Variants in SCRN3 observed in about 807,000 individuals in gnomAD.
The protein encoded by SCRN3 is secernin 3, also known as secernin-3.
SCRN3 carries 39 observed loss-of-function variants against 43.1 expected under a neutral mutation model. The ratio of observed to expected loss-of-function variants is 0.91; its 90% CI spans 0.70 to 1.18. The LOEUF is 1.18. Among genes scored for constraint, SCRN3 ranks in the 50% most tolerant of loss-of-function variants. SCRN3 has a pLI of 0.00. For synonymous variants in SCRN3, 147 were observed against 163.1 expected (o/e 0.90, Z 0.75); for missense variants, 484 against 498.0 (o/e 0.97, Z 0.27).
At chr2:174,398,890 C>T (rs1685414547) in intron 2 of SCRN3, among the ~76,000 whole-genome samples, 1 of 152,030 alleles carries the variant, frequency 6.6e-6, no homozygotes, top group African/African-American at 2.4e-5. Context: ...ATTTGATGGA[C>T]AAAAAGGATT....
chr2:174,397,900 T>C (rs566536833), intron 1 of SCRN3, among the ~76,000 whole-genome samples: 1 of 152,294 alleles, frequency 6.6e-6, no homozygotes, highest in East Asian at 1.9e-4. Context: ...TCTTACTGAG[T>C]TGTAGTACCA....
intron 2 of SCRN3, among the ~76,000 whole-genome samples, chr2:174,398,827 T>C (rs1685412742): frequency 6.6e-6 from 1 of 152,186 alleles, no homozygotes; most frequent in Non-Finnish European, 1.5e-5. Flanking sequence ...AACAGTAGCA[T>C]GCTGTGGCAG....
chr2:174,423,449 A>G (rs1686363950), intron 6 of SCRN3, among the ~76,000 whole-genome samples: 1 of 152,184 alleles, frequency 6.6e-6, no homozygotes, highest in Admixed American at 6.5e-5. Flanking sequence ...TAAAATATCA[A>G]TAGTTCCAGT....
At chr2:174,420,053 T>C (rs969968822) in intron 5 of SCRN3, among the ~76,000 whole-genome samples, 2 of 152,150 alleles carry the variant, frequency 1.3e-5, no homozygotes, top group African/African-American at 4.8e-5. Context: ...ACCTTGACTT[T>C]CTGTGTCACA....
chr2:174,422,684 A>G (rs1686333585), intron 5 of SCRN3, among the ~76,000 whole-genome samples: 1 of 151,934 alleles, frequency 6.6e-6, no homozygotes, highest in African/African-American at 2.4e-5. Context: ...GACTTTGCAT[A>G]GTTTATATTT....
chr2:174,396,228 T>G (rs1265482927), intron 1 of SCRN3: 2 of 921,340 alleles, frequency 2.2e-6, no homozygotes. Flanking sequence ...TACCCAGCTG[T>G]ACGGTACTGG....
At chr2:174,417,514 C>T (rs1420523004) in intron 5 of SCRN3, among the ~76,000 whole-genome samples, 1 of 152,138 alleles carries the variant, frequency 6.6e-6, no homozygotes, top group Non-Finnish European at 1.5e-5. Context: ...CTGCCTCAGC[C>T]TCCCAAGTAG....
chr2:174,422,863 A>G, intron 5 of SCRN3, 22 bp from the exon 6 acceptor site: 1 of 1,542,016 alleles, frequency 6.5e-7, no homozygotes, highest in Non-Finnish European at 9.0e-7. Flanking sequence ...GTATTTGATG[A>G]TTTTAAAAAT....
intron 7 of SCRN3, among the ~76,000 whole-genome samples, chr2:174,427,350 G>A (rs1002271906): frequency 2.6e-5 from 4 of 152,152 alleles, no homozygotes; most frequent in African/African-American, 7.2e-5. Context: ...GGTTTTAAAT[G>A]TAAAAGATCA....
chr2:174,429,167 G>A lies in SCRN3; in HGVS notation c.*1272G>A, dbSNP rs967362051. The A allele has an allele frequency of 6.6e-6, 1 of 152,166 alleles. No homozygotes were observed. The highest frequency in any genetic ancestry group is 2.4e-5 in the African/African-American group (1 of 41,444). The allele number at this position is 152,166 out of a possible 1,614,324, so 9.4% of individuals were successfully genotyped here. ...CTTAAGTTTGGTTCAGTGATAGGCT[G>A]TCTTCTAACCCCTATACTCCTCTTC... On this transcript the variant is annotated 3_prime_UTR_variant, in exon 8 of 8. Coordinates refer to ENST00000272732, the MANE Select transcript of SCRN3 (RefSeq NM_024583.5).
intron 5 of SCRN3, among the ~76,000 whole-genome samples, chr2:174,419,090 A>G (rs1254533479): frequency 6.6e-6 from 1 of 152,200 alleles, no homozygotes; most frequent in Non-Finnish European, 1.5e-5. Flanking sequence ...AATATTGTGA[A>G]TTACAATTTG....
chr2:174,399,899 C>CCT (rs1685443246), intron 2 of SCRN3, 23 bp from the exon 3 acceptor site: 1 of 1,015,132 alleles, frequency 9.9e-7, no homozygotes, highest in Non-Finnish European at 1.3e-6. Flanking sequence ...CTTGCTATGA[C>CCT]TTTTTTTTTT....
chr2:174,409,696 A>G (rs964338609), intron 5 of SCRN3, among the ~76,000 whole-genome samples: 1 of 139,052 alleles, frequency 7.2e-6, no homozygotes, highest in Non-Finnish European at 1.6e-5. Context: ...CCTCAGCTGC[A>G]GGTCTGTTGG....
intron 7 of SCRN3, among the ~76,000 whole-genome samples, chr2:174,425,866 T>C (rs929032643): frequency 1.3e-5 from 2 of 152,170 alleles, no homozygotes; most frequent in African/African-American, 4.8e-5. Context: ...ATCCTATTGG[T>C]AGTTTTAATT....
At position 174,404,128 on chromosome 2, in the gene SCRN3, A is replaced by G. The variant is rs143578975; in HGVS notation, c.567A>G (p.Gln189=). The stretch of plus-strand genomic sequence containing the variant: ...AGGGAGTTCGTAATATTTCTAATCA[A>G]CTTTCCATAACAACCAAGATTGCCC... ...VQEGVRNISN[Q]LSITTKIARE... is the part of the protein sequence containing the mutation. Residue 189 remains glutamine (Q), a synonymous_variant, in exon 5 of 8, where the codon CAA becomes CAG. Transcript: ENST00000272732. 6.2e-6 allele frequency: 10 copies of G among 1,613,432 alleles called. No individual in the cohort carries two copies. Among genetic ancestry groups the G allele is most frequent in the African/African-American group, 4.0e-5 (3 of 74,854 alleles).
chr2:174,419,419 G>A (rs1332887152), intron 5 of SCRN3, among the ~76,000 whole-genome samples: 4 of 152,152 alleles, frequency 2.6e-5, no homozygotes, highest in South Asian at 2.1e-4. Flanking sequence ...TTGCACTGTC[G>A]CCCAGGCTGG....
chr2:174,426,735 G>T (rs62173637), intron 7 of SCRN3, among the ~76,000 whole-genome samples: 1 of 151,674 alleles, frequency 6.6e-6, no homozygotes, highest in Non-Finnish European at 1.5e-5. Context: ...CTGTGCTATT[G>T]CACTTTAGCC....
intron 5 of SCRN3, among the ~76,000 whole-genome samples, chr2:174,411,214 T>G (rs1320499778): frequency 1.3e-5 from 2 of 152,180 alleles, no homozygotes; most frequent in Non-Finnish European, 2.9e-5. Flanking sequence ...AAACACTGGT[T>G]TGTAACCAGT....
At chr2:174,399,598 C>T (rs1411522114) in intron 2 of SCRN3, among the ~76,000 whole-genome samples, 1 of 152,176 alleles carries the variant, frequency 6.6e-6, no homozygotes, top group East Asian at 1.9e-4. Flanking sequence ...ATACTTTATA[C>T]TTTATTTTAT....
Sources: gnomAD v4.1 joint callset for allele counts (sites outside exome capture counted in the v4.1 genomes callset) on GRCh38, gnomAD v4.1.1 for gene constraint, MANE v1.5 for transcripts, NCBI Gene and HGNC (gene_info 2026-07-23, HGNC 2026-07-21) for gene names.